Variants in FER observed in about 807,000 individuals in gnomAD.
FER encodes the protein FER tyrosine kinase, also known as tyrosine-protein kinase Fer.
Under a neutral mutation model 111.0 loss-of-function variants are expected in FER, and 63 were observed. That is an observed-to-expected ratio of 0.57 (90% CI 0.46 to 0.70). The LOEUF (loss-of-function observed/expected upper bound fraction) is 0.70, where lower values mean the gene tolerates loss of function less well. Among genes scored for constraint, FER ranks in the 30% least tolerant of loss-of-function variants. The pLI is 0.00. For missense variants in FER, 914 were observed against 954.0 expected, an observed-to-expected ratio of 0.96 and a Z score of 0.55; for synonymous variants, 327 against 313.9, an observed-to-expected ratio of 1.04 and a Z score of -0.44.
At chr5:108,983,616 A>G (rs948043552) in intron 13 of FER, among the ~76,000 whole-genome samples, 1 of 152,116 alleles carries the variant, frequency 6.6e-6, no homozygotes, top group African/African-American at 2.4e-5. Context: ...TTTCTAAGCC[A>G]TATGGAATTC....
chr5:108,918,517 C>T (rs1162587688), intron 10 of FER, among the ~76,000 whole-genome samples: 5 of 144,800 alleles, frequency 3.5e-5, no homozygotes, highest in East Asian at 4.2e-4. Flanking sequence ...GATGGAGTCT[C>T]GCTCTGTTGC....
intron 10 of FER, among the ~76,000 whole-genome samples, chr5:108,926,971 C>G (rs1316214770): frequency 1.3e-5 from 2 of 152,052 alleles, no homozygotes; most frequent in Non-Finnish European, 2.9e-5. Context: ...GGAGATGAGA[C>G]TAGTCTAGAC....
intron 13 of FER, among the ~76,000 whole-genome samples, chr5:108,976,086 G>C (rs922609975): frequency 4.6e-5 from 7 of 152,150 alleles, no homozygotes; most frequent in Admixed American, 1.3e-4. Context: ...CTGAAGGTTT[G>C]GAGTAAATGA....
intron 8 of FER, among the ~76,000 whole-genome samples, chr5:108,875,427 CA>C (rs1301326116): frequency 6.6e-6 from 1 of 152,034 alleles, no homozygotes; most frequent in Non-Finnish European, 1.5e-5. Context: ...CCTTCTTTGC[CA>C]AATGCTGAAA....
chr5:108,868,035 A>T lies in FER; in HGVS notation c.665+85A>T, dbSNP rs892733880. 12 of 1,277,910 alleles carry T rather than the reference A, an allele frequency of 9.4e-6. No homozygotes were observed. In the African/African-American group the frequency reaches 1.8e-4, roughly 19 times the overall value. 79.2% of individuals were successfully genotyped at this position (1,277,910 alleles called of 1,614,324 possible). ...CTCTCTAGTTTAGGTGTTGCTTCATAAGTTTTATTATTAACCCAGTCCAGG... is the reference window on the plus strand; with the variant it reads ...CTCTCTAGTTTAGGTGTTGCTTCATTAGTTTTATTATTAACCCAGTCCAGG... On this transcript the variant is annotated intron_variant, in intron 6 of 19. Coordinates refer to ENST00000281092, the MANE Select transcript of FER (RefSeq NM_005246.4).
At chr5:108,940,713 G>A (rs1404154451) in intron 10 of FER, among the ~76,000 whole-genome samples, 2 of 152,058 alleles carry the variant, frequency 1.3e-5, no homozygotes, top group Non-Finnish European at 2.9e-5. Flanking sequence ...TTACTCAAGT[G>A]TTTTCACTGG....
chr5:109,020,869 C>A (rs573379483), intron 13 of FER, among the ~76,000 whole-genome samples: 2 of 151,882 alleles, frequency 1.3e-5, no homozygotes, highest in Non-Finnish European at 2.9e-5. Context: ...TTATCTCAAT[C>A]GTTTTGAAAT....
chr5:108,798,215 T>G lies in FER; in HGVS notation c.33T>G (p.His11Gln). 1 of 1,614,094 alleles carries G rather than the reference T, an allele frequency of 6.2e-7. No individual in the cohort carries two copies. The highest frequency in any genetic ancestry group is 1.1e-5 in the South Asian group (1 of 91,082). Residue 11 changes from histidine to glutamine, a missense_variant, in exon 3 of 20, where the codon CAT (histidine) becomes CAG (glutamine). Coordinates refer to ENST00000281092, the MANE Select transcript of FER (RefSeq NM_005246.4). MGFGSDLKNS[H>Q]EAVLKLQDWE... is the part of the protein sequence containing the mutation. ...TTGGGAGTGACCTGAAGAATTCACA[T>G]GAAGCAGTGTTAAAATTGCAAGACT...
chr5:108,918,919 AT>A (rs1224529524), intron 10 of FER, among the ~76,000 whole-genome samples: 1 of 152,246 alleles, frequency 6.6e-6, no homozygotes, highest in African/African-American at 2.4e-5. Context: ...GATTGCAGAT[AT>A]TCTATACTTG....
Position 109,072,818 on chromosome 5 carries a change from C to T in FER, c.1924+25620C>T, listed in dbSNP as rs369483796. 2.0e-5 allele frequency among the ~76,000 whole-genome samples: 3 copies of T among 152,120 alleles called. 1 individual carries two copies. Among genetic ancestry groups the T allele is most frequent in the African/African-American group, 7.2e-5 (3 of 41,508 alleles). Reference sequence around the variant, plus strand: ...AGAAAGTTCAAAATCAAGGTGTCACCAGGGCCATGCTCCCTCCAAAAGCTC... The same window carrying T: ...AGAAAGTTCAAAATCAAGGTGTCACTAGGGCCATGCTCCCTCCAAAAGCTC... On this transcript the variant is annotated intron_variant, in intron 16 of 19. Transcript: ENST00000281092.
intron 10 of FER, among the ~76,000 whole-genome samples, chr5:108,906,876 C>T (rs1750851648): frequency 6.6e-6 from 1 of 152,044 alleles, no homozygotes; most frequent in Non-Finnish European, 1.5e-5. Context: ...TGATTTTATT[C>T]ATTCTACCAG....
intron 1 of FER, among the ~76,000 whole-genome samples, chr5:108,765,740 G>A (rs1455798513): frequency 6.6e-6 from 1 of 152,130 alleles, no homozygotes; most frequent in Non-Finnish European, 1.5e-5. Flanking sequence ...AGAGAAGAGA[G>A]TTTAAACATT....
At position 109,050,172 on chromosome 5, in the gene FER, C is replaced by T. The variant is rs113935095; in HGVS notation, c.1924+2974C>T. 9.3e-3 allele frequency among the ~76,000 whole-genome samples: 1,410 copies of T among 151,460 alleles called. 4 individuals carry two copies. The highest frequency in any genetic ancestry group is 0.014 in the Non-Finnish European group (955 of 67,922). On this transcript the variant is annotated intron_variant, in intron 16 of 19. Transcript: ENST00000281092. Reference sequence around the variant, plus strand: ...CATTTCAGAGAAAGGAAATTCATTTCAGTAATAGCATTACTGCTATATCCT... The same window carrying T: ...CATTTCAGAGAAAGGAAATTCATTTTAGTAATAGCATTACTGCTATATCCT...
At chr5:108,844,994 GTGTATATA>G (rs1761750395) in intron 5 of FER, among the ~76,000 whole-genome samples, 2 of 42,636 alleles carry the variant, frequency 4.7e-5, no homozygotes, top group African/African-American at 1.5e-4. Context: ...GTGTGTGTGT[GTGTATATA>G]TATATATATA....
intron 5 of FER, among the ~76,000 whole-genome samples, chr5:108,851,436 CAT>C (rs1561513253): frequency 6.6e-6 from 1 of 152,180 alleles, no homozygotes; most frequent in Admixed American, 6.5e-5. Context: ...CCTCCCACAA[CAT>C]GTGGGAATTC....
intron 17 of FER, among the ~76,000 whole-genome samples, chr5:109,147,939 A>G (rs954032282): frequency 2.0e-5 from 3 of 151,982 alleles, no homozygotes; most frequent in Admixed American, 1.3e-4. Context: ...TCGTAACTAG[A>G]GAAAAATTAA....
At position 109,030,562 on chromosome 5, in the gene FER, G is replaced by A. The variant is rs930111203; in HGVS notation, c.1657-6860G>A. Among the ~76,000 whole-genome samples the A allele has an allele frequency of 2.0e-4, 31 of 152,058 alleles. 1 individual carries two copies. Among genetic ancestry groups the A allele is most frequent in the African/African-American group, 7.2e-4 (30 of 41,392 alleles). ...GTTATTTTGTTTTGTTGGTTTATCTGGTGCCACTGGGCTTCCTTCTAACTT... is the reference window on the plus strand; with the variant it reads ...GTTATTTTGTTTTGTTGGTTTATCTAGTGCCACTGGGCTTCCTTCTAACTT... On this transcript the variant is annotated intron_variant, in intron 13 of 19. Transcript: ENST00000281092.
chr5:109,158,978 G>A (rs1043478413), intron 17 of FER, among the ~76,000 whole-genome samples: 7 of 151,908 alleles, frequency 4.6e-5, no homozygotes, highest in African/African-American at 1.7e-4. Flanking sequence ...AGAATTTTAT[G>A]GGATTATTAT....
At chr5:109,113,786 G>A (rs937661255) in intron 17 of FER, among the ~76,000 whole-genome samples, 1 of 152,064 alleles carries the variant, frequency 6.6e-6, no homozygotes, top group Non-Finnish European at 1.5e-5. Context: ...CACAAAGTAT[G>A]TTTTACCTTT....
Sources: allele counts gnomAD v4.1 joint callset (sites outside exome capture counted in the v4.1 genomes callset), GRCh38; gene constraint gnomAD v4.1.1; transcripts MANE v1.5; gene names NCBI Gene and HGNC (gene_info 2026-07-23, HGNC 2026-07-21).